The following TOGARAM1 variants were observed in gnomAD, a reference collection of about 807,000 sequenced individuals.
TOGARAM1 encodes the protein TOG array regulator of axonemal microtubules 1, also known as TOG array regulator of axonemal microtubules protein 1.
A neutral mutation model predicts 166.6 loss-of-function variants in TOGARAM1; 100 were observed. The observed-to-expected ratio is 0.60, with a 90% CI of 0.51 to 0.71. The LOEUF (loss-of-function observed/expected upper bound fraction) is 0.71, where lower values mean the gene tolerates loss of function less well. Ranked by LOEUF, TOGARAM1 falls within the 30% of genes least tolerant of loss-of-function variation. TOGARAM1 has a pLI of 0.00. For synonymous variants in TOGARAM1, 758 were observed against 763.8 expected (o/e 0.99, Z 0.13); for missense variants, 2,029 against 2,102.7 (o/e 0.96, Z 0.69).
chr14:44,989,650 T>C lies in TOGARAM1; in HGVS notation c.2047-6096T>C, dbSNP rs537734113. ...CTAGGAAGTTCCAGGCTTTTCCACATCTTCCTGTTTTCTTCTGAGCCCTCC... is the reference window on the plus strand; with the variant it reads ...CTAGGAAGTTCCAGGCTTTTCCACACCTTCCTGTTTTCTTCTGAGCCCTCC... On this transcript the variant is annotated intron_variant, in intron 1 of 19. Coordinates refer to ENST00000361462, the MANE Select transcript of TOGARAM1 (RefSeq NM_001308120.2). 9.9e-4 allele frequency among the ~76,000 whole-genome samples: 150 copies of C among 152,272 alleles called. 4 individuals are homozygous for C. The highest frequency in any genetic ancestry group is 1.2e-3 in the Non-Finnish European group (80 of 68,012).
chr14:45,011,785 A>ATATG (rs145724708), intron 6 of TOGARAM1, 190 bp from the exon 7 acceptor site: 9 of 414,610 alleles, frequency 2.2e-5, no homozygotes, highest in South Asian at 7.1e-5. Context: ...CAAAATATAT[A>ATATG]TGTGTGTGTG....
chr14:45,017,406 AACACACAC>A (rs113544622), intron 7 of TOGARAM1, among the ~76,000 whole-genome samples: 8 of 145,240 alleles, frequency 5.5e-5, no homozygotes, highest in South Asian at 2.3e-4. Context: ...ATGCACACAA[AACACACAC>A]ACACACACAC....
intron 16 of TOGARAM1, among the ~76,000 whole-genome samples, chr14:45,066,180 T>C (rs577711528): frequency 1.2e-4 from 19 of 152,270 alleles, no homozygotes; most frequent in African/African-American, 4.3e-4. Flanking sequence ...GTAGACAACA[T>C]TTCACATATG....
Position 45,073,712 on chromosome 14 carries a change from C to T in TOGARAM1, c.*151C>T. 1.6e-6 allele frequency: 1 copy of T among 621,218 alleles called. No homozygotes were observed. Among genetic ancestry groups the T allele is most frequent in the South Asian group, 2.4e-5 (1 of 42,520 alleles). The allele number at this position is 621,218 out of a possible 1,614,324, so 38.5% of individuals were successfully genotyped here. The stretch of plus-strand genomic sequence containing the variant: ...TTGCAGCCTATGAGTACACATCTGT[C>T]CTATATCAACCTTACCACTTATATT... On this transcript the variant is annotated 3_prime_UTR_variant, in exon 20 of 20. Transcript: ENST00000361462.
chr14:44,965,362 A>G lies in TOGARAM1; in HGVS notation c.2046+895A>G, dbSNP rs1443500947. 2.6e-5 allele frequency among the ~76,000 whole-genome samples: 4 copies of G among 152,214 alleles called. No homozygotes were observed. In the East Asian group the frequency reaches 7.7e-4, roughly 29 times the overall value. ...ATTTCTTGTTTTACTTTTATCATCC[A>G]GGATCTAGTCAGGGTTCATGTGGTT... On this transcript the variant is annotated intron_variant, in intron 1 of 19. Coordinates refer to ENST00000361462, the MANE Select transcript of TOGARAM1 (RefSeq NM_001308120.2).
At chr14:45,043,869 A>C in intron 12 of TOGARAM1, 78 bp downstream of exon 12, 2 of 834,176 alleles carry the variant, frequency 2.4e-6, no homozygotes, top group Non-Finnish European at 4.0e-6. Context: ...TGACCTTTAA[A>C]ATTTTTAAAC....
At chr14:45,032,152 T>A in intron 10 of TOGARAM1, 71 bp from the exon 11 acceptor site, 2 of 1,382,042 alleles carry the variant, frequency 1.4e-6, no homozygotes, top group Middle Eastern at 2.5e-4. Context: ...ACAGCGAGAC[T>A]CCATCTCAAA....
At chr14:45,025,916 T>C (rs1250271041) in intron 8 of TOGARAM1, 44 bp downstream of exon 8, 1 of 1,007,516 alleles carries the variant, frequency 9.9e-7, no homozygotes, top group Non-Finnish European at 1.5e-6. Context: ...GTATTCATCA[T>C]ATAGAAGCAA....
At chr14:45,054,654 TG>T (rs1348221172) in intron 16 of TOGARAM1, 105 bp downstream of exon 16, 15 of 754,682 alleles carry the variant, frequency 2.0e-5, no homozygotes. Context: ...CAAAATTTAA[TG>T]GAGTTTTAAA....
At chr14:45,072,866 C>A (rs933017755) in intron 19 of TOGARAM1, among the ~76,000 whole-genome samples, 3 of 151,974 alleles carry the variant, frequency 2.0e-5, no homozygotes, top group Non-Finnish European at 4.4e-5. Flanking sequence ...AGAAAAAAAG[C>A]CCTTAAAAAT....
intron 1 of TOGARAM1, chr14:44,995,393 T>A (rs1393971670): frequency 4.5e-6 from 2 of 449,156 alleles, no homozygotes; most frequent in East Asian, 1.4e-4. Context: ...ACTTATTGTC[T>A]AGTACTCAAA....
At chr14:45,066,823 C>A (rs1566676894) in intron 17 of TOGARAM1, 56 bp downstream of exon 17, 1 of 1,457,756 alleles carries the variant, frequency 6.9e-7, no homozygotes, top group Non-Finnish European at 9.3e-7. Flanking sequence ...CGCCTGTAAT[C>A]CAAGCACTTT....
intron 1 of TOGARAM1, among the ~76,000 whole-genome samples, chr14:44,975,946 G>A (rs1252399013): frequency 1.3e-5 from 2 of 151,902 alleles, no homozygotes; most frequent in Admixed American, 6.6e-5. Flanking sequence ...TCTTAGTGAA[G>A]TCAACTGGTG....
intron 2 of TOGARAM1, among the ~76,000 whole-genome samples, chr14:44,998,646 A>G (rs1050088236): frequency 6.6e-6 from 1 of 152,196 alleles, no homozygotes; most frequent in African/African-American, 2.4e-5. Flanking sequence ...AAAAAATAAA[A>G]TAAAATAAAA....
At chr14:45,000,512 G>C (rs1471759552) in intron 3 of TOGARAM1, among the ~76,000 whole-genome samples, 1 of 151,934 alleles carries the variant, frequency 6.6e-6, no homozygotes, top group Non-Finnish European at 1.5e-5. Context: ...TTTCTATCTA[G>C]GTTATTGCAA....
Position 45,046,645 on chromosome 14 carries a change from G to T in TOGARAM1, c.4255G>T (p.Ala1419Ser). The T allele has an allele frequency of 8.0e-6, 11 of 1,378,904 alleles. No homozygotes were observed. The highest frequency in any genetic ancestry group is 1.0e-5 in the Non-Finnish European group (11 of 1,058,598). The allele number at this position is 1,378,904 out of a possible 1,614,324, so 85.4% of individuals were successfully genotyped here. ...ERILSAAKDM[A>S]ERILPAAAKF... ...TATTTTATCTGCAGCAAAGGATATG[G>T]CTGAACGCATATTACCAGCTGCTGC... Residue 1419 changes from alanine to serine, a missense_variant, in exon 14 of 20, where the codon GCT (alanine) becomes TCT (serine). This residue lies in a region of TOGARAM1 where 576 missense variants were observed against 670.5 expected (regional missense o/e 0.86). Coordinates refer to ENST00000361462, the MANE Select transcript of TOGARAM1 (RefSeq NM_001308120.2).
chr14:44,990,974 T>C (rs1887094619), intron 1 of TOGARAM1, among the ~76,000 whole-genome samples: 3 of 147,332 alleles, frequency 2.0e-5, no homozygotes, highest in Non-Finnish European at 3.0e-5. Flanking sequence ...TTTTTTTTTT[T>C]TTGGAGACAA....
intron 11 of TOGARAM1, among the ~76,000 whole-genome samples, chr14:45,039,345 G>T (rs746638660): frequency 1.3e-5 from 2 of 152,146 alleles, no homozygotes; most frequent in Non-Finnish European, 2.9e-5. Flanking sequence ...TCTCACTCCA[G>T]TCTGTGGAAC....
intron 11 of TOGARAM1, among the ~76,000 whole-genome samples, chr14:45,035,543 T>C (rs1233410342): frequency 2.0e-5 from 3 of 152,000 alleles, no homozygotes; most frequent in Admixed American, 1.3e-4. Context: ...GGATGAAAAC[T>C]ATAAACCCAA....
Sources: allele counts gnomAD v4.1 joint callset (sites outside exome capture counted in the v4.1 genomes callset), GRCh38; gene constraint gnomAD v4.1.1; regional missense constraint gnomAD v4.1.1; transcripts MANE v1.5; gene names NCBI Gene and HGNC (gene_info 2026-07-23, HGNC 2026-07-21).